LARGE1: variants seen among roughly 807,000 people sequenced by gnomAD.
The protein encoded by LARGE1 is LARGE xylosyl- and glucuronyltransferase 1, also known as xylosyl- and glucuronyltransferase LARGE1.
In LARGE1, 43 loss-of-function variants were observed where a neutral mutation model predicts 87.6. That is an observed-to-expected ratio of 0.49 (90% CI 0.38 to 0.63). The LOEUF (loss-of-function observed/expected upper bound fraction) is 0.63, where lower values mean the gene tolerates loss of function less well. Ranked by LOEUF, LARGE1 falls within the 30% of genes least tolerant of loss-of-function variation. The pLI is 0.00. For synonymous variants in LARGE1, 434 were observed against 394.6 expected, an observed-to-expected ratio of 1.10 and a Z score of -1.18; for missense variants, 802 against 1,000.2, an observed-to-expected ratio of 0.80 and a Z score of 2.67.
chr22:33,747,359 C>T (rs1020983468), intron 2 of LARGE1, among the ~76,000 whole-genome samples: 1 of 152,076 alleles, frequency 6.6e-6, no homozygotes, highest in African/African-American at 2.4e-5. Flanking sequence ...CTTCTCCTCT[C>T]TTCTCTTTCT....
chr22:33,919,164 T>C (rs1488844973), intron 1 of LARGE1, among the ~76,000 whole-genome samples: 2 of 150,404 alleles, frequency 1.3e-5, no homozygotes, highest in East Asian at 3.9e-4. Flanking sequence ...ATGGATTCAG[T>C]GTGCAAGAGA....
rs759394642 is a variant in LARGE1, at chr22:33,604,444, G to A, written c.606C>T (p.Asp202=). The change falls in exon 5 of 15, where the codon GAC becomes GAT. Residue 202 remains aspartate, a synonymous_variant. Transcript: ENST00000397394. ...CCCCTCCTGCCCATACCTTGAGCTCGTCTGCATTGTAGAAGTCCACACGCA... is the reference window on the plus strand; with the variant it reads ...CCCCTCCTGCCCATACCTTGAGCTCATCTGCATTGTAGAAGTCCACACGCA... The part of the protein sequence containing the change: ...PAVRVDFYNA[D]ELKSEVSWIP... 1.6e-5 allele frequency: 26 copies of A among 1,613,924 alleles called. No homozygotes were observed. Among genetic ancestry groups the A allele is most frequent in the Middle Eastern group, 1.6e-4 (1 of 6,082 alleles).
At chr22:33,586,558 C>T (rs1020385034) in intron 5 of LARGE1, among the ~76,000 whole-genome samples, 6 of 151,068 alleles carry the variant, frequency 4.0e-5, no homozygotes, top group Admixed American at 2.0e-4. Flanking sequence ...CCTGGGTTCA[C>T]GCCATTCTCC....
intron 12 of LARGE1, among the ~76,000 whole-genome samples, chr22:33,284,296 C>A (rs1222448311): frequency 6.6e-6 from 1 of 152,166 alleles, no homozygotes; most frequent in Non-Finnish European, 1.5e-5. Context: ...TTTCAGGTTC[C>A]ATTTCAGTGA....
chr22:33,570,114 T>C (rs945207393), intron 5 of LARGE1, among the ~76,000 whole-genome samples: 1 of 152,180 alleles, frequency 6.6e-6, no homozygotes, highest in African/African-American at 2.4e-5. Flanking sequence ...GTAACTCACT[T>C]AACCTCCTTG....
In LARGE1 at chr22:33,380,044, T is replaced by C. The variant is rs530888081; in HGVS notation, c.1131+1875A>G. ...GGGCAAAGGTGACATCCAGTTGCTC[T>C]TTGCTTATCTTTTTGGATTCACTCT... On this transcript the variant is annotated intron_variant, in intron 9 of 14. Transcript: ENST00000397394. 8.0e-4 allele frequency among the ~76,000 whole-genome samples: 122 copies of C among 152,372 alleles called. 1 individual carries two copies. Among genetic ancestry groups the C allele is most frequent in the African/African-American group, 2.9e-3 (121 of 41,590 alleles).
At chr22:33,637,645 T>C (rs1213687831) in intron 3 of LARGE1, among the ~76,000 whole-genome samples, 1 of 152,238 alleles carries the variant, frequency 6.6e-6, no homozygotes, top group African/African-American at 2.4e-5. Flanking sequence ...CTAGCTGATA[T>C]GTTATGAGAA....
At chr22:33,089,393 C>G in the LARGE1 span, among the ~76,000 whole-genome samples, 3 of 142,678 alleles carry the variant, frequency 2.1e-5, no homozygotes, top group African/African-American at 8.1e-5. Context: ...TCTTCCTCTT[C>G]TTCTTCTTTC....
At chr22:33,902,218 AGAC>A (rs538260324) in intron 1 of LARGE1, among the ~76,000 whole-genome samples, 81 of 152,314 alleles carry the variant, frequency 5.3e-4, no homozygotes, top group African/African-American at 1.8e-3. Context: ...CAAAAAAACA[AGAC>A]GACAAGACTC....
At chr22:33,876,209 G>A (rs2064460863) in intron 1 of LARGE1, among the ~76,000 whole-genome samples, 1 of 152,116 alleles carries the variant, frequency 6.6e-6, no homozygotes, top group African/African-American at 2.4e-5. Flanking sequence ...TAGAACCCCA[G>A]GCCTGGGGAT....
chr22:33,311,339 G>T (rs1358260645), intron 11 of LARGE1, among the ~76,000 whole-genome samples: 1 of 152,196 alleles, frequency 6.6e-6, no homozygotes, highest in Non-Finnish European at 1.5e-5. Context: ...GGAGGCACTT[G>T]GTTTTGTCTG....
intron 2 of LARGE1, among the ~76,000 whole-genome samples, chr22:33,691,455 C>T (rs981804176): frequency 7.9e-5 from 12 of 152,114 alleles, no homozygotes; most frequent in African/African-American, 2.9e-4. Flanking sequence ...TGCACCAGTA[C>T]CAGTGGGCTC....
chr22:33,802,745 T>C (rs1308182917), intron 1 of LARGE1, among the ~76,000 whole-genome samples: 2 of 152,194 alleles, frequency 1.3e-5, no homozygotes, highest in African/African-American at 4.8e-5. Flanking sequence ...TATCTAGGAA[T>C]AAATATTTAT....
intron 2 of LARGE1, among the ~76,000 whole-genome samples, chr22:33,670,840 T>C (rs751953735): frequency 2.8e-4 from 43 of 152,224 alleles, no homozygotes; most frequent in Non-Finnish European, 4.7e-4. Context: ...ATGGTATTTT[T>C]CCCTTCAATT....
chr22:33,497,231 A>G (rs2070181643), intron 6 of LARGE1, among the ~76,000 whole-genome samples: 2 of 152,136 alleles, frequency 1.3e-5, no homozygotes, highest in Non-Finnish European at 2.9e-5. Context: ...GCATGCCACT[A>G]TGCCTGGCTC....
At chr22:33,646,669 G>A (rs1569338898) in intron 3 of LARGE1, among the ~76,000 whole-genome samples, 1 of 152,104 alleles carries the variant, frequency 6.6e-6, no homozygotes, top group Non-Finnish European at 1.5e-5. Flanking sequence ...GGAACACAGG[G>A]ATAAAGAAAA....
intron 5 of LARGE1, 22 bp from the exon 6 acceptor site, chr22:33,565,041 G>A (rs372993044): frequency 1.2e-6 from 2 of 1,611,658 alleles, no homozygotes; most frequent in Non-Finnish European, 8.5e-7. Flanking sequence ...AAGGCAGAGA[G>A]AGAGTTGGAG....
chr22:33,188,785 A>G (rs1431902415), intron 11 of LARGE1, among the ~76,000 whole-genome samples: 1 of 152,186 alleles, frequency 6.6e-6, no homozygotes, highest in Non-Finnish European at 1.5e-5. Flanking sequence ...TGATAGCTGG[A>G]CCACTGCCAA....
chr22:33,549,963 T>C (rs979430526), intron 6 of LARGE1, among the ~76,000 whole-genome samples: 5 of 152,116 alleles, frequency 3.3e-5, no homozygotes, highest in African/African-American at 9.7e-5. Flanking sequence ...TATTCCATGG[T>C]GTACATGTGC....
Sources: gnomAD v4.1 joint callset for allele counts (sites outside exome capture counted in the v4.1 genomes callset) on GRCh38, gnomAD v4.1.1 for gene constraint, MANE v1.5 for transcripts, NCBI Gene and HGNC (gene_info 2026-07-23, HGNC 2026-07-21) for gene names.